Variants in CNTNAP2 observed in about 807,000 individuals in gnomAD.
The protein encoded by CNTNAP2 is contactin associated protein 2, also known as contactin-associated protein-like 2.
Under a neutral mutation model 155.2 loss-of-function variants are expected in CNTNAP2, and 98 were observed. The ratio of observed to expected loss-of-function variants is 0.63; its 90% CI spans 0.54 to 0.75. The LOEUF (loss-of-function observed/expected upper bound fraction) is 0.75. Among genes scored for constraint, CNTNAP2 ranks in the 30% least tolerant of loss-of-function variants. CNTNAP2 has a pLI of 0.00. For synonymous variants in CNTNAP2, 651 were observed against 631.2 expected (o/e 1.03, Z -0.47); for missense variants, 1,727 against 1,688.1 (o/e 1.02, Z -0.40).
intron 21 of CNTNAP2, among the ~76,000 whole-genome samples, chr7:148,277,764 T>C (rs1034381992): frequency 4.6e-5 from 7 of 150,718 alleles, no homozygotes; most frequent in Non-Finnish European, 7.4e-5. Flanking sequence ...CCTTTTCTCA[T>C]AGTCTTCTAG....
At chr7:148,195,075 A>C (rs544215799) in intron 18 of CNTNAP2, among the ~76,000 whole-genome samples, 1 of 152,276 alleles carries the variant, frequency 6.6e-6, no homozygotes, top group South Asian at 2.1e-4. Context: ...AACTCCCCCT[A>C]CAATAATAGG....
chr7:147,148,855 G>A (rs746118737), intron 8 of CNTNAP2, among the ~76,000 whole-genome samples: 8 of 152,304 alleles, frequency 5.3e-5, no homozygotes, highest in Non-Finnish European at 1.0e-4. Flanking sequence ...ATCCAGAGTT[G>A]TTTGTTCCTC....
chr7:146,169,257 G>C (rs1373123341), intron 1 of CNTNAP2, among the ~76,000 whole-genome samples: 2 of 152,090 alleles, frequency 1.3e-5, no homozygotes, highest in African/African-American at 4.8e-5. Flanking sequence ...TAGAATGTAA[G>C]CCACATATTA....
intron 10 of CNTNAP2, among the ~76,000 whole-genome samples, chr7:147,402,032 TC>T (rs1260871822): frequency 5.9e-5 from 9 of 152,260 alleles, no homozygotes; most frequent in African/African-American, 2.2e-4. Flanking sequence ...TTTATCATTT[TC>T]TAAAATTTGT....
chr7:147,649,226 A>G (rs902044980), intron 13 of CNTNAP2, among the ~76,000 whole-genome samples: 1 of 152,176 alleles, frequency 6.6e-6, no homozygotes, highest in Non-Finnish European at 1.5e-5. Flanking sequence ...AATAACAAAT[A>G]TAAGGATGAA....
At chr7:147,204,957 T>A (rs1802991328) in intron 8 of CNTNAP2, among the ~76,000 whole-genome samples, 1 of 152,182 alleles carries the variant, frequency 6.6e-6, no homozygotes, top group African/African-American at 2.4e-5. Context: ...GATTTATATC[T>A]GGGTGCTCTA....
intron 1 of CNTNAP2, among the ~76,000 whole-genome samples, chr7:146,354,030 G>C (rs771054090): frequency 6.6e-6 from 1 of 152,064 alleles, no homozygotes; most frequent in Non-Finnish European, 1.5e-5. Flanking sequence ...AACTTAAATT[G>C]AGGAAACTAT....
At position 147,201,394 on chromosome 7, in the gene CNTNAP2, C is replaced by T. The variant is rs531973933; in HGVS notation, c.1348+68885C>T. On this transcript the variant is annotated intron_variant, in intron 8 of 23. Transcript: ENST00000361727. Reference sequence around the variant, plus strand: ...TTGAAGGCGTGAATGTCTCATTAACCGAGACAATGGGAATGATGCTAAGAA... The same window carrying T: ...TTGAAGGCGTGAATGTCTCATTAACTGAGACAATGGGAATGATGCTAAGAA... Among the ~76,000 whole-genome samples the T allele has an allele frequency of 4.3e-4, 65 of 152,152 alleles. 2 individuals are homozygous for T. Among genetic ancestry groups the T allele is most frequent in the African/African-American group, 1.4e-3 (60 of 41,514 alleles).
chr7:146,417,751 G>A (rs1795957964), intron 1 of CNTNAP2, among the ~76,000 whole-genome samples: 1 of 152,126 alleles, frequency 6.6e-6, no homozygotes, highest in African/African-American at 2.4e-5. Context: ...GTTTCAACAG[G>A]TGATTTAGTA....
At chr7:146,543,595 A>G (rs951972257) in intron 1 of CNTNAP2, among the ~76,000 whole-genome samples, 1 of 151,884 alleles carries the variant, frequency 6.6e-6, no homozygotes, top group Non-Finnish European at 1.5e-5. Context: ...CTTCAGATAC[A>G]TTTCACTGTA....
At chr7:147,410,070 A>G (rs574831584) in intron 10 of CNTNAP2, among the ~76,000 whole-genome samples, 1 of 152,350 alleles carries the variant, frequency 6.6e-6, no homozygotes, top group South Asian at 2.1e-4. Context: ...ACCAAAGAAT[A>G]TAAATCATTC....
chr7:146,200,148 CACA>C (rs1303915239), intron 1 of CNTNAP2, among the ~76,000 whole-genome samples: 2 of 152,162 alleles, frequency 1.3e-5, no homozygotes, highest in Non-Finnish European at 1.5e-5. Flanking sequence ...CCAGGTGCTT[CACA>C]ACAATGTTTC....
chr7:146,188,706 A>C (rs1347951372), intron 1 of CNTNAP2, among the ~76,000 whole-genome samples: 1 of 152,196 alleles, frequency 6.6e-6, no homozygotes, highest in Non-Finnish European at 1.5e-5. Flanking sequence ...AAAATTTTGC[A>C]ATCAGCATAC....
At chr7:148,207,863 C>A (rs1795477049) in intron 18 of CNTNAP2, among the ~76,000 whole-genome samples, 2 of 151,874 alleles carry the variant, frequency 1.3e-5, no homozygotes, top group Admixed American at 1.3e-4. Context: ...TTTGGGAGGC[C>A]GAGGCGGGCG....
intron 3 of CNTNAP2, among the ~76,000 whole-genome samples, chr7:146,989,059 C>T (rs1798164710): frequency 1.3e-5 from 2 of 152,246 alleles, no homozygotes; most frequent in Non-Finnish European, 2.9e-5. Flanking sequence ...CTTTATATCA[C>T]AATTGTCTTT....
intron 1 of CNTNAP2, among the ~76,000 whole-genome samples, chr7:146,437,113 C>T (rs1796254958): frequency 6.6e-6 from 1 of 151,378 alleles, no homozygotes; most frequent in Non-Finnish European, 1.5e-5. Context: ...GTTAGGTTCT[C>T]ATAGGAGCGT....
intron 6 of CNTNAP2, 119 bp from the exon 7 acceptor site, chr7:147,128,574 C>T: frequency 9.0e-7 from 1 of 1,108,914 alleles, no homozygotes. Context: ...AGGCAGAATG[C>T]TATAATATTT....
intron 13 of CNTNAP2, among the ~76,000 whole-genome samples, chr7:147,726,631 T>C (rs1440637955): frequency 2.0e-5 from 3 of 151,960 alleles, no homozygotes; most frequent in Non-Finnish European, 2.9e-5. Context: ...CAGGTCACAA[T>C]GCTCCTATAA....
At chr7:147,863,926 G>A (rs2116690356) in intron 13 of CNTNAP2, among the ~76,000 whole-genome samples, 1 of 152,268 alleles carries the variant, frequency 6.6e-6, no homozygotes, top group East Asian at 1.9e-4. Flanking sequence ...AAGCTCTTTG[G>A]TTTAATCACA....
Sources: gnomAD v4.1 joint callset for allele counts (sites outside exome capture counted in the v4.1 genomes callset) on GRCh38, gnomAD v4.1.1 for gene constraint, MANE v1.5 for transcripts, NCBI Gene and HGNC (gene_info 2026-07-23, HGNC 2026-07-21) for gene names.